Variants in LRFN2 observed in about 807,000 individuals in gnomAD.
LRFN2 encodes the protein leucine-rich repeat and fibronectin type-III domain-containing protein 2.
In LRFN2, 18 loss-of-function variants were observed where a neutral mutation model predicts 37.3. The observed-to-expected ratio is 0.48, with a 90% CI of 0.33 to 0.72. The LOEUF (loss-of-function observed/expected upper bound fraction) is 0.72, where lower values mean the gene tolerates loss of function less well. Ranked by LOEUF, LRFN2 falls within the 30% of genes least tolerant of loss-of-function variation. LRFN2 has a pLI of 0.02. For missense variants in LRFN2, 1,006 were observed against 1,060.7 expected (o/e 0.95, Z 0.72); for synonymous variants, 556 against 466.6 (o/e 1.19, Z -2.47).
Position 40,450,505 on chromosome 6 carries a change from C to T in LRFN2, c.-18-17374G>A, listed in dbSNP as rs140726924. On this transcript the variant is annotated intron_variant, in intron 1 of 2. Transcript: ENST00000338305. ...AGGAGCACCTCCTCACAGGGGCAGC[C>T]TTTTCCTTGTCCCTGGGTGGGTGTG... is the stretch of plus-strand genomic sequence containing the variant. 2.6e-5 allele frequency among the ~76,000 whole-genome samples: 4 copies of T among 152,352 alleles called. No homozygotes were observed. In the East Asian group the frequency reaches 7.7e-4, roughly 29 times the overall value.
intron 1 of LRFN2, among the ~76,000 whole-genome samples, chr6:40,541,728 C>T (rs1256731619): frequency 6.6e-6 from 1 of 152,310 alleles, no homozygotes; most frequent in East Asian, 1.9e-4. Flanking sequence ...ACAGCTGCCG[C>T]CCGTGGGAAT....
At chr6:40,437,393 G>A (rs776378201) in intron 1 of LRFN2, among the ~76,000 whole-genome samples, 3 of 152,142 alleles carry the variant, frequency 2.0e-5, no homozygotes, top group Non-Finnish European at 4.4e-5. Flanking sequence ...AAGCAAAGAA[G>A]GCCCAGACGC....
chr6:40,438,327 G>GA (rs1763742043), intron 1 of LRFN2, among the ~76,000 whole-genome samples: 1 of 152,140 alleles, frequency 6.6e-6, no homozygotes, highest in African/African-American at 2.4e-5. Context: ...CCCACAAGGT[G>GA]AGTGCCACCA....
intron 1 of LRFN2, among the ~76,000 whole-genome samples, chr6:40,521,520 CTGTA>C (rs1766067818): frequency 6.6e-6 from 1 of 152,264 alleles, no homozygotes; most frequent in Admixed American, 6.5e-5. Context: ...AGGCACATTT[CTGTA>C]TGTTGGTGCC....
chr6:40,422,839 T>A (rs984759267), intron 2 of LRFN2, among the ~76,000 whole-genome samples: 1 of 152,218 alleles, frequency 6.6e-6, no homozygotes. Flanking sequence ...GGTTCTCTTG[T>A]TATCTCTTAC....
At chr6:40,491,540 G>A in intron 1 of LRFN2, among the ~76,000 whole-genome samples, 2 of 148,192 alleles carry the variant, frequency 1.3e-5, no homozygotes, top group Non-Finnish European at 1.5e-5. Flanking sequence ...GTGACTGTGG[G>A]TAGGTAGGCA....
At chr6:40,395,700 AAC>A (rs1762601252) in intron 2 of LRFN2, among the ~76,000 whole-genome samples, 1 of 152,208 alleles carries the variant, frequency 6.6e-6, no homozygotes, top group Non-Finnish European at 1.5e-5. Flanking sequence ...GGCCTACCGC[AAC>A]TCCCCGACAC....
chr6:40,565,289 C>T (rs556246229), intron 1 of LRFN2, among the ~76,000 whole-genome samples: 36 of 152,120 alleles, frequency 2.4e-4, no homozygotes, highest in African/African-American at 7.7e-4. Context: ...GAATCAATAT[C>T]GTGAAAATGG....
At chr6:40,405,370 C>A (rs1762820220) in intron 2 of LRFN2, among the ~76,000 whole-genome samples, 1 of 152,208 alleles carries the variant, frequency 6.6e-6, no homozygotes, top group Admixed American at 6.5e-5. Flanking sequence ...TTCTTAATCT[C>A]TCTGTGTTTG....
chr6:40,448,289 TG>T (rs1440814187), intron 1 of LRFN2, among the ~76,000 whole-genome samples: 1 of 152,080 alleles, frequency 6.6e-6, no homozygotes, highest in Non-Finnish European at 1.5e-5. Context: ...TGCAACCCCC[TG>T]GGTTTGGTGC....
chr6:40,582,027 G>A (rs1767414299), intron 1 of LRFN2, among the ~76,000 whole-genome samples: 1 of 152,188 alleles, frequency 6.6e-6, no homozygotes. Flanking sequence ...TGGAGAAAAG[G>A]AATAGGAAGT....
At chr6:40,487,353 A>T (rs551431903) in intron 1 of LRFN2, among the ~76,000 whole-genome samples, 2 of 152,158 alleles carry the variant, frequency 1.3e-5, no homozygotes, top group South Asian at 2.1e-4. Context: ...TGAGCTCCAG[A>T]CTCACCATTT....
Position 40,391,804 on chromosome 6 carries a change from G to C in LRFN2, c.*139C>G. The C allele has an allele frequency of 2.4e-6, 2 of 840,012 alleles. No homozygotes were observed. Among genetic ancestry groups the C allele is most frequent in the Non-Finnish European group, 3.4e-6 (2 of 582,852 alleles). The allele number at this position is 840,012 out of a possible 1,614,324, so 52.0% of individuals were successfully genotyped here. A position where few individuals can be genotyped will look rare whatever the true frequency, so the allele number is the denominator to read the frequency against. ...GATGTGGGTGTTGCGGGGTAGGGGG[G>C]GACACGAGGCCATTGACAGGGAGAC... On this transcript the variant is annotated 3_prime_UTR_variant, in exon 3 of 3. Transcript: ENST00000338305.
intron 1 of LRFN2, among the ~76,000 whole-genome samples, chr6:40,472,479 C>T (rs545222686): frequency 6.6e-6 from 1 of 152,366 alleles, no homozygotes; most frequent in Non-Finnish European, 1.5e-5. Context: ...AGAGAAGCTG[C>T]TTTGGGCATT....
intron 1 of LRFN2, among the ~76,000 whole-genome samples, chr6:40,577,703 G>C (rs1039816852): frequency 9.6e-6 from 1 of 103,674 alleles, no homozygotes; most frequent in African/African-American, 4.0e-5. Flanking sequence ...TTGTTCTTGC[G>C]ATAGTTTACT....
intron 1 of LRFN2, among the ~76,000 whole-genome samples, chr6:40,442,923 C>T (rs1763873994): frequency 6.6e-6 from 1 of 152,216 alleles, no homozygotes; most frequent in Non-Finnish European, 1.5e-5. Flanking sequence ...AGTCTCATTA[C>T]ACAGGCCTGC....
chr6:40,583,202 A>ATGTC, intron 1 of LRFN2, among the ~76,000 whole-genome samples: 1 of 144,754 alleles, frequency 6.9e-6, no homozygotes, highest in South Asian at 2.2e-4. Flanking sequence ...ATATATAGAC[A>ATGTC]TATATATACA....
Position 40,392,463 on chromosome 6 carries a change from C to A in LRFN2, c.1850G>T (p.Arg617Leu). The A allele has an allele frequency of 1.9e-6, 3 of 1,568,450 alleles. No individual in the cohort carries two copies. Among genetic ancestry groups the A allele is most frequent in the Non-Finnish European group, 2.6e-6 (3 of 1,156,872 alleles). ...ELLDFTASLA[R>L]ASDSSSSSSL... ...GCTGGAGGAAGAGGAGTCACTGGCG[C>A]GGGCCAGGCTGGCGGTGAAGTCCAG... The change falls in exon 3 of 3, where the codon CGC (arginine) becomes CTC (leucine). Residue 617 changes from arginine to leucine, a missense_variant. Around this residue, in one of 4 missense-constraint regions of LRFN2, gnomAD observed 398 missense variants for 327.6 expected, o/e 1.21. Transcript: ENST00000338305. This position sits in a 1 kb window ranked among gnomAD's most constrained non-coding sequence, Gnocchi z 4.7.
chr6:40,492,141 C>A (rs1256616105), intron 1 of LRFN2, among the ~76,000 whole-genome samples: 2 of 152,214 alleles, frequency 1.3e-5, no homozygotes, highest in Non-Finnish European at 1.5e-5. Context: ...TCTAAGGTAC[C>A]TTTGAGCCAA....
Sources: allele counts gnomAD v4.1 joint callset (sites outside exome capture counted in the v4.1 genomes callset), GRCh38; gene constraint gnomAD v4.1.1; regional missense constraint gnomAD v4.1.1; non-coding constraint Gnocchi (gnomAD v3.1); transcripts MANE v1.5; gene names NCBI Gene and HGNC (gene_info 2026-07-23, HGNC 2026-07-21).